Variants in ZFYVE28 observed in about 807,000 individuals in gnomAD.
The protein encoded by ZFYVE28 is lateral signaling target protein 2 homolog.
A neutral mutation model predicts 82.1 loss-of-function variants in ZFYVE28; 40 were observed. The observed-to-expected ratio is 0.49, with a 90% CI of 0.38 to 0.63. ZFYVE28 has a LOEUF of 0.63. Ranked by LOEUF, ZFYVE28 falls within the 30% of genes least tolerant of loss-of-function variation. The pLI is 0.00. For missense variants in ZFYVE28, 1,321 were observed against 1,242.1 expected, an observed-to-expected ratio of 1.06 and a Z score of -0.96; for synonymous variants, 612 against 546.1, an observed-to-expected ratio of 1.12 and a Z score of -1.68.
intron 1 of ZFYVE28, among the ~76,000 whole-genome samples, chr4:2,369,667 G>A (rs1255089141): frequency 6.6e-6 from 1 of 151,892 alleles, no homozygotes; most frequent in Admixed American, 6.6e-5. Flanking sequence ...ATGTGAAGAT[G>A]GGGCGGAGAT....
chr4:2,338,727 A>C (rs899431970), intron 4 of ZFYVE28, among the ~76,000 whole-genome samples: 4 of 152,246 alleles, frequency 2.6e-5, no homozygotes, highest in African/African-American at 7.2e-5. Flanking sequence ...GACTGCCCTT[A>C]ATGCATTGGT....
At chr4:2,375,813 T>G (rs575830568) in intron 1 of ZFYVE28, among the ~76,000 whole-genome samples, 1 of 152,312 alleles carries the variant, frequency 6.6e-6, no homozygotes, top group South Asian at 2.1e-4. Context: ...GAGTTCACCA[T>G]GAATGTGCAA....
chr4:2,370,634 C>G (rs1258599772), intron 1 of ZFYVE28, among the ~76,000 whole-genome samples: 1 of 152,204 alleles, frequency 6.6e-6, no homozygotes, highest in East Asian at 1.9e-4. Flanking sequence ...GAGATGGGGC[C>G]AGAGGGAGCA....
intron 7 of ZFYVE28, among the ~76,000 whole-genome samples, chr4:2,310,963 C>G (rs779992266): frequency 3.3e-5 from 5 of 152,108 alleles, no homozygotes; most frequent in Non-Finnish European, 7.4e-5. Context: ...ATAATGAATT[C>G]AACTTCTTTA....
chr4:2,304,238 C>T lies in ZFYVE28; in HGVS notation c.2051+51G>A, dbSNP rs537420178. ...GCTTGGAGAATGCGCCAGCACCTGC[C>T]CCCCAGTGCAGAGAGGACAAACCCA... On this transcript the variant is annotated intron_variant, in intron 8 of 12. Transcript: ENST00000290974. 5.3e-5 allele frequency: 80 copies of T among 1,502,762 alleles called. No individual in the cohort carries two copies. In the Middle Eastern group the frequency reaches 1.2e-3, roughly 23 times the overall value. 93.1% of individuals were successfully genotyped at this position (1,502,762 alleles called of 1,614,324 possible).
intron 6 of ZFYVE28, among the ~76,000 whole-genome samples, chr4:2,322,009 C>T (rs955024080): frequency 1.1e-4 from 17 of 152,274 alleles, no homozygotes; most frequent in African/African-American, 2.9e-4. Context: ...TGGGAGCCTG[C>T]GGGGACCCAA....
At chr4:2,324,090 C>T (rs952403543) in intron 6 of ZFYVE28, among the ~76,000 whole-genome samples, 3 of 152,094 alleles carry the variant, frequency 2.0e-5, no homozygotes, top group Non-Finnish European at 4.4e-5. Context: ...AGAAACAGAA[C>T]AAGAGAGCAA....
At chr4:2,325,808 GACTCAAA>G (rs1719781051) in intron 6 of ZFYVE28, among the ~76,000 whole-genome samples, 2 of 151,990 alleles carry the variant, frequency 1.3e-5, no homozygotes, top group South Asian at 4.2e-4. Flanking sequence ...GCTTAAGCTG[GACTCAAA>G]CTCCTGGCCT....
intron 8 of ZFYVE28, among the ~76,000 whole-genome samples, chr4:2,279,561 C>T (rs1032894770): frequency 3.3e-5 from 5 of 152,048 alleles, no homozygotes; most frequent in East Asian, 3.9e-4. Context: ...GGGCGGATCA[C>T]GAGGTCAGGA....
At chr4:2,328,257 G>A (rs1014590047) in intron 6 of ZFYVE28, among the ~76,000 whole-genome samples, 2 of 152,128 alleles carry the variant, frequency 1.3e-5, no homozygotes, top group Non-Finnish European at 2.9e-5. Context: ...GTGAAAAATT[G>A]GATGGAATTT....
chr4:2,412,385 T>C (rs1732613687), intron 1 of ZFYVE28, among the ~76,000 whole-genome samples: 1 of 152,192 alleles, frequency 6.6e-6, no homozygotes, highest in Non-Finnish European at 1.5e-5. Context: ...TTGGTTGAGC[T>C]GTTACTGTGA....
chr4:2,381,957 C>G (rs1560313931), intron 1 of ZFYVE28, among the ~76,000 whole-genome samples: 2 of 152,230 alleles, frequency 1.3e-5, no homozygotes, highest in Non-Finnish European at 2.9e-5. Flanking sequence ...TGCCCTGTGT[C>G]CCAGCTGCTC....
At chr4:2,328,838 C>G in intron 6 of ZFYVE28, 3 of 315,916 alleles carry the variant, frequency 9.5e-6, no homozygotes, top group East Asian at 4.8e-5. Context: ...TGTTCTTTTG[C>G]ATGTGGTTAT....
Position 2,337,361 on chromosome 4 carries a change from G to A in ZFYVE28, c.611+46C>T, listed in dbSNP as rs755186283. ...TGCCCCGGGCCTGGAGTGAGGCAGG[G>A]ACTCCCCAGATGCTGCCCCCAGCCC... On this transcript the variant is annotated intron_variant, in intron 5 of 12. Coordinates refer to ENST00000290974, the MANE Select transcript of ZFYVE28 (RefSeq NM_020972.3). 5 of 1,530,786 alleles carry A rather than the reference G, an allele frequency of 3.3e-6. No homozygotes were observed. In the East Asian group the frequency reaches 1.2e-4, roughly 37 times the overall value. The allele number at this position is 1,530,786 out of a possible 1,614,324, so 94.8% of individuals were successfully genotyped here.
chr4:2,353,960 C>G lies in ZFYVE28; in HGVS notation c.153G>C (p.Leu51=). 1.3e-6 allele frequency: 2 copies of G among 1,563,768 alleles called. No homozygotes were observed. The highest frequency in any genetic ancestry group is 2.4e-5 in the South Asian group (2 of 83,894). ...DGRKDPQRCT[L]LVSQFRSCQD... Reference sequence around the variant, plus strand: ...GACAGGAGCGGAACTGGCTGACCAGCAGCGTGCACCGCTGGGGGTCCTTCC... The same window carrying G: ...GACAGGAGCGGAACTGGCTGACCAGGAGCGTGCACCGCTGGGGGTCCTTCC... The change falls in exon 2 of 13, where the codon CTG becomes CTC. Residue 51 remains leucine (L), a synonymous_variant. Transcript: ENST00000290974.
chr4:2,371,256 C>T (rs1320357082), intron 1 of ZFYVE28, among the ~76,000 whole-genome samples: 1 of 152,144 alleles, frequency 6.6e-6, no homozygotes, highest in African/African-American at 2.4e-5. Flanking sequence ...TGTGGTTGCC[C>T]GCGTCGTGCT....
chr4:2,374,050 A>T (rs4246693), intron 1 of ZFYVE28, among the ~76,000 whole-genome samples: 101,593 of 152,012 alleles, frequency 0.67, 34,284 homozygotes, highest in East Asian at 0.8. Flanking sequence ...GGCTTCATCC[A>T]ACCCATGGGT....
Position 2,345,378 on chromosome 4 carries a change from A to T in ZFYVE28, c.181-3763T>A, listed in dbSNP as rs1723388767. On this transcript the variant is annotated intron_variant, in intron 2 of 12. Coordinates refer to ENST00000290974, the MANE Select transcript of ZFYVE28 (RefSeq NM_020972.3). The stretch of plus-strand genomic sequence containing the variant: ...AAAAGTTAACTAGAGACAACGAAGA[A>T]ACTAAAAGTCCCTAACTGATTTAGA... Among the ~76,000 whole-genome samples, 5 of 152,158 alleles carry T rather than the reference A, an allele frequency of 3.3e-5. No individual in the cohort carries two copies. The South Asian group carries it at 1.0e-3, about 32-fold the overall frequency.
rs1253763537 is a variant in ZFYVE28 at position 2,285,185 on chromosome 4, C to T, written c.2052-10969G>A. ...GAGTGATGCTTCTGTAAGCCAAGTA[C>T]ACACCCAAGATGGCCAGCAAGCCCC... On this transcript the variant is annotated intron_variant, in intron 8 of 12. Coordinates refer to ENST00000290974, the MANE Select transcript of ZFYVE28 (RefSeq NM_020972.3). Among the ~76,000 whole-genome samples, 151 of 151,138 alleles carry T rather than the reference C, an allele frequency of 1.0e-3. 1 individual carries two copies. The highest frequency in any genetic ancestry group is 9.8e-3 in the Admixed American group (148 of 15,178).
Sources: allele counts gnomAD v4.1 joint callset (sites outside exome capture counted in the v4.1 genomes callset), GRCh38; gene constraint gnomAD v4.1.1; transcripts MANE v1.5; gene names NCBI Gene and HGNC (gene_info 2026-07-23, HGNC 2026-07-21).